CAMTA1: variants seen among roughly 807,000 people sequenced by gnomAD.
CAMTA1 encodes the protein calmodulin-binding transcription activator 1.
Under a neutral mutation model 170.9 loss-of-function variants are expected in CAMTA1, and 27 were observed. The ratio of observed to expected loss-of-function variants is 0.16; its 90% CI spans 0.12 to 0.22. The LOEUF (loss-of-function observed/expected upper bound fraction) is 0.22. Among genes scored for constraint, CAMTA1 ranks in the 10% least tolerant of loss-of-function variants. CAMTA1 has a pLI of 1.00. For missense variants in CAMTA1, 1,619 were observed against 2,217.2 expected (o/e 0.73, Z 5.42); for synonymous variants, 833 against 891.5 (o/e 0.93, Z 1.17).
chr1:7,537,634 G>A (rs974338859), intron 6 of CAMTA1, among the ~76,000 whole-genome samples: 4 of 152,192 alleles, frequency 2.6e-5, no homozygotes, highest in African/African-American at 9.7e-5. Context: ...GCTGGGGCAG[G>A]ATCTTCCCTA....
In CAMTA1 at chr1:7,300,442, C is replaced by T; in HGVS notation, c.438+50816C>T. Among the ~76,000 whole-genome samples, 1 of 152,296 alleles carries T rather than the reference C, an allele frequency of 6.6e-6. No individual in the cohort carries two copies. The highest frequency in any genetic ancestry group is 2.1e-4 in the South Asian group (1 of 4,824). Reference sequence around the variant, plus strand: ...CTGTAATCCCCATACTTTGGGAGGCCAAGGCAGGCGGATCACCTGAGGTCA... The same window carrying T: ...CTGTAATCCCCATACTTTGGGAGGCTAAGGCAGGCGGATCACCTGAGGTCA... On this transcript the variant is annotated intron_variant, in intron 5 of 22. Coordinates refer to ENST00000303635, the MANE Select transcript of CAMTA1 (RefSeq NM_015215.4). The surrounding 1 kb of genome is among the most constrained non-coding windows in gnomAD (Gnocchi z 4.1).
At chr1:7,510,512 C>T (rs2094189495) in intron 6 of CAMTA1, among the ~76,000 whole-genome samples, 1 of 146,500 alleles carries the variant, frequency 6.8e-6, no homozygotes, top group Non-Finnish European at 1.5e-5. Context: ...ACATAGGTCA[C>T]AGCTGTAGCT....
chr1:7,387,287 C>T (rs1459901332), intron 5 of CAMTA1, among the ~76,000 whole-genome samples: 1 of 152,142 alleles, frequency 6.6e-6, no homozygotes, highest in Non-Finnish European at 1.5e-5. Context: ...TTTCCACCAC[C>T]CAGTGACTGG....
At chr1:7,688,205 A>G (rs1315418464) in intron 11 of CAMTA1, among the ~76,000 whole-genome samples, 5 of 150,316 alleles carry the variant, frequency 3.3e-5, no homozygotes, top group African/African-American at 4.9e-5. Context: ...GAGTTTCACC[A>G]TGTTGGCCAG....
intron 4 of CAMTA1, among the ~76,000 whole-genome samples, chr1:7,217,462 T>G (rs1483775540): frequency 1.3e-5 from 2 of 152,208 alleles, no homozygotes; most frequent in Non-Finnish European, 2.9e-5. Context: ...ATCTTTCTTT[T>G]TAAGCCAAAT....
At chr1:7,625,707 G>T (rs563705263) in intron 6 of CAMTA1, among the ~76,000 whole-genome samples, 1 of 152,244 alleles carries the variant, frequency 6.6e-6, no homozygotes, top group Non-Finnish European at 1.5e-5. Context: ...TCAGGATGTG[G>T]CGATGAAGAT....
rs1691428421 is a variant in CAMTA1 at position 6,965,829 on chromosome 1, A to G, written c.235-125475A>G. Among the ~76,000 whole-genome samples, 2 of 152,184 alleles carry G rather than the reference A, an allele frequency of 1.3e-5. No homozygotes were observed. The highest frequency in any genetic ancestry group is 2.9e-5 in the Non-Finnish European group (2 of 68,038). On this transcript the variant is annotated intron_variant, in intron 3 of 22. Coordinates refer to ENST00000303635, the MANE Select transcript of CAMTA1 (RefSeq NM_015215.4). This position sits in a 1 kb window ranked among gnomAD's most constrained non-coding sequence, Gnocchi z 4.1. The stretch of plus-strand genomic sequence containing the variant: ...GAATGCGGCATTAACTGCATATCAG[A>G]GACCCTTTCAGAAGCCAAACAGGAT...
intron 6 of CAMTA1, among the ~76,000 whole-genome samples, chr1:7,579,807 G>T (rs2095243179): frequency 1.3e-5 from 2 of 152,082 alleles, no homozygotes; most frequent in African/African-American, 4.8e-5. Context: ...CAATCCACCA[G>T]CCTCGGCTTC....
chr1:7,069,265 A>G (rs564313084), intron 3 of CAMTA1, among the ~76,000 whole-genome samples: 19 of 152,260 alleles, frequency 1.2e-4, no homozygotes, highest in African/African-American at 4.3e-4. Flanking sequence ...GCTTCGTCTC[A>G]CCTAGCCCTC....
intron 3 of CAMTA1, among the ~76,000 whole-genome samples, chr1:6,901,744 A>T (rs1195191274): frequency 6.6e-6 from 1 of 152,164 alleles, no homozygotes; most frequent in Non-Finnish European, 1.5e-5. Context: ...GTGAACATGT[A>T]GGGAAACTGA....
rs959896244 is a variant in CAMTA1, at chr1:7,216,098, T to C, written c.303-33393T>C. Among the ~76,000 whole-genome samples the C allele has an allele frequency of 1.3e-5, 2 of 152,196 alleles. No homozygotes were observed. Among genetic ancestry groups the C allele is most frequent in the Non-Finnish European group, 2.9e-5 (2 of 68,028 alleles). ...GGAGACCTCAGGAAACTTACAATCA[T>C]GGCAGAAGGCGAAGGGGAAGCCCGC... On this transcript the variant is annotated intron_variant, in intron 4 of 22. Coordinates refer to ENST00000303635, the MANE Select transcript of CAMTA1 (RefSeq NM_015215.4). The surrounding 1 kb of genome is among the most constrained non-coding windows in gnomAD (Gnocchi z 4.0).
At chr1:7,573,240 T>C (rs1267429367) in intron 6 of CAMTA1, among the ~76,000 whole-genome samples, 2 of 152,148 alleles carry the variant, frequency 1.3e-5, no homozygotes, top group Non-Finnish European at 2.9e-5. Context: ...CCAGAACCCC[T>C]TGCACCTTTG....
intron 1 of CAMTA1, among the ~76,000 whole-genome samples, chr1:6,798,241 G>T (rs1028456029): frequency 6.6e-6 from 1 of 151,930 alleles, no homozygotes; most frequent in Non-Finnish European, 1.5e-5. Context: ...ACCCACCTCG[G>T]CCTCCCAAAG....
chr1:7,764,909 G>A (rs1219034864), intron 22 of CAMTA1, among the ~76,000 whole-genome samples: 1 of 151,496 alleles, frequency 6.6e-6, no homozygotes, highest in Non-Finnish European at 1.5e-5. Flanking sequence ...GCAGTGAGCC[G>A]AGATCGCACC....
chr1:6,792,016 C>T (rs1490506145), intron 1 of CAMTA1, among the ~76,000 whole-genome samples: 1 of 151,542 alleles, frequency 6.6e-6, no homozygotes, highest in African/African-American at 2.4e-5. Context: ...TGCCCAGGCA[C>T]GATCTCCGCT....
intron 3 of CAMTA1, among the ~76,000 whole-genome samples, chr1:7,048,598 G>C (rs1016873284): frequency 6.6e-6 from 1 of 152,216 alleles, no homozygotes; most frequent in African/African-American, 2.4e-5. Context: ...AGCTCTGTAA[G>C]AGATCCAGCG....
At chr1:7,605,321 G>A (rs1283759772) in intron 6 of CAMTA1, among the ~76,000 whole-genome samples, 1 of 152,256 alleles carries the variant, frequency 6.6e-6, no homozygotes, top group East Asian at 1.9e-4. Flanking sequence ...TTGAGCTGCA[G>A]TAGGCTCCAC....
chr1:6,839,363 C>T (rs1473799517), intron 3 of CAMTA1, among the ~76,000 whole-genome samples: 1 of 151,998 alleles, frequency 6.6e-6, no homozygotes, highest in Non-Finnish European at 1.5e-5. Context: ...GCCTGGGCGA[C>T]AGAGCGAGAC....
At position 7,456,274 on chromosome 1, in the gene CAMTA1, CAAG is replaced by C. The variant is rs1421133963; in HGVS notation, c.439-11550_439-11548del. ...GAAGGGAGGAAGGGGGGCAGGGAGG[CAAG>C]AAGAATGGGAGGGAGGAAGGACAGG... is the stretch of plus-strand genomic sequence containing the variant. On this transcript the variant is annotated intron_variant, in intron 5 of 22. Transcript: ENST00000303635. The surrounding 1 kb of genome is among the most constrained non-coding windows in gnomAD (Gnocchi z 4.9). 1.4e-5 allele frequency among the ~76,000 whole-genome samples: 2 copies of C among 141,060 alleles called. No homozygotes were observed. The highest frequency in any genetic ancestry group is 4.2e-4 in the East Asian group (2 of 4,804). The allele number at this position is 141,060 out of a possible 152,430, so 92.5% of individuals were successfully genotyped here. A position where few individuals can be genotyped will look rare whatever the true frequency, so the allele number is the denominator to read the frequency against.
Sources: gnomAD v4.1 joint callset for allele counts (sites outside exome capture counted in the v4.1 genomes callset) on GRCh38, gnomAD v4.1.1 for gene constraint, Gnocchi (gnomAD v3.1) non-coding constraint, MANE v1.5 for transcripts, NCBI Gene and HGNC (gene_info 2026-07-23, HGNC 2026-07-21) for gene names.